MFSD8: variants seen among roughly 807,000 people sequenced by gnomAD.
The protein encoded by MFSD8 is major facilitator superfamily domain-containing protein 8.
Under a neutral mutation model 66.4 loss-of-function variants are expected in MFSD8, and 55 were observed. The observed-to-expected ratio is 0.83, with a 90% confidence interval of 0.67 to 1.04. MFSD8 has a LOEUF of 1.04. MFSD8 is among the 50% of genes least tolerant of loss of function. The pLI is 0.00. For missense variants in MFSD8, 550 were observed against 627.6 expected (o/e 0.88, Z 1.32); for synonymous variants, 202 against 212.8 (o/e 0.95, Z 0.44).
chr4:127,938,286 T>C (rs1448152938), intron 7 of MFSD8, among the ~76,000 whole-genome samples: 2 of 152,074 alleles, frequency 1.3e-5, no homozygotes, highest in African/African-American at 2.4e-5. Context: ...ATAACCAATA[T>C]GGGTATGCCT....
At chr4:127,932,660 A>C (rs1319460311) in intron 8 of MFSD8, 1 of 214,092 alleles carries the variant, frequency 4.7e-6, no homozygotes, top group East Asian at 1.3e-4. Context: ...ACATATATGT[A>C]GGAAATTATA....
At chr4:127,949,974 A>C in intron 2 of MFSD8, 127 bp from the exon 3 acceptor site, 1 of 687,344 alleles carries the variant, frequency 1.5e-6, no homozygotes, top group Non-Finnish European at 2.4e-6. Context: ...ACAAATGCCT[A>C]ATTTATGAGG....
intron 11 of MFSD8, 132 bp downstream of exon 11, chr4:127,921,392 A>T (rs1736316804): frequency 3.8e-5 from 56 of 1,465,418 alleles, no homozygotes; most frequent in Non-Finnish European, 5.1e-5. Flanking sequence ...TGGGATTTTT[A>T]AAAATTTTAA....
At chr4:127,956,454 C>G (rs1186104052) in intron 2 of MFSD8, among the ~76,000 whole-genome samples, 1 of 150,174 alleles carries the variant, frequency 6.7e-6, no homozygotes, top group Non-Finnish European at 1.5e-5. Flanking sequence ...GAGCCGAGAT[C>G]GCGCCACTGC....
At chr4:127,926,597 T>A (rs1252264287) in intron 9 of MFSD8, among the ~76,000 whole-genome samples, 1 of 152,118 alleles carries the variant, frequency 6.6e-6, no homozygotes, top group African/African-American at 2.4e-5. Flanking sequence ...GCAGCACTGC[T>A]CTACTTCTGT....
upstream of MFSD8, chr4:127,965,495 C>T (rs1292490154): frequency 1.0e-5 from 4 of 386,314 alleles, no homozygotes; most frequent in Admixed American, 3.9e-5. Context: ...GGAAAGGTTA[C>T]CGGAGCTGCG....
chr4:127,938,606 A>AT (rs1739544487), intron 7 of MFSD8, among the ~76,000 whole-genome samples, 177 bp downstream of exon 7: 5 of 141,478 alleles, frequency 3.5e-5, no homozygotes, highest in African/African-American at 1.4e-4. Context: ...TAAATAAATA[A>AT]ATAAATAAAT....
chr4:127,946,351 T>C (rs913854534), intron 3 of MFSD8, among the ~76,000 whole-genome samples: 2 of 152,148 alleles, frequency 1.3e-5, no homozygotes, highest in Admixed American at 1.3e-4. Flanking sequence ...GAATTTTGAC[T>C]AAAAAGACTA....
At chr4:127,939,778 T>C in intron 6 of MFSD8, 75 bp downstream of exon 6, 2 of 1,500,252 alleles carry the variant, frequency 1.3e-6, no homozygotes, top group South Asian at 2.3e-5. Flanking sequence ...ATAAGGATAA[T>C]TATCTTCCAA....
chr4:127,943,260 G>T (rs1291592799), intron 4 of MFSD8: 1 of 156,378 alleles, frequency 6.4e-6, no homozygotes, highest in African/African-American at 2.4e-5. Flanking sequence ...AGAAAGGATA[G>T]AAACAGTACA....
chr4:127,929,043 C>G (rs114720708), intron 9 of MFSD8, among the ~76,000 whole-genome samples: 1 of 151,882 alleles, frequency 6.6e-6, no homozygotes, highest in African/African-American at 2.4e-5. Flanking sequence ...AATCTCAGGT[C>G]GGCAGCGGTG....
rs1739848967 is a variant in MFSD8, at chr4:127,939,876, A to G, written c.675T>C (p.Ile225=). The change falls in exon 6 of 12, where the codon ATT becomes ATC. Residue 225 remains isoleucine, a synonymous_variant. Transcript: ENST00000641686. ...ACCTTAGTATGGCAAGGATCAGAAT[A>G]ATATTTAAAATTCCCAGGAAGGCGC... The part of the protein sequence containing the change: ...LLSAFLGILN[I]ILILAILREH... 1 of 1,613,226 alleles carries G rather than the reference A, an allele frequency of 6.2e-7. No individual in the cohort carries two copies. Among genetic ancestry groups the G allele is most frequent in the Non-Finnish European group, 8.5e-7 (1 of 1,179,490 alleles).
At position 127,949,773 on chromosome 4, in the gene MFSD8, A is replaced by C. The variant is rs745742569; in HGVS notation, c.198+31T>G. The C allele has an allele frequency of 7.5e-6, 12 of 1,595,642 alleles. No homozygotes were observed. In the Admixed American group the frequency reaches 2.0e-4, roughly 27 times the overall value. ...CGTAAGAGTTACTACTACTGTAGCT[A>C]TAAGGGAAAAATAGATTGAAATGTA... On this transcript the variant is annotated intron_variant, in intron 3 of 11. Transcript: ENST00000641686.
In MFSD8 at chr4:127,920,845, G is replaced by A. The variant is rs75039907; in HGVS notation, c.1351-9C>T. 1,704 of 1,612,396 alleles carry A rather than the reference G, an allele frequency of 1.1e-3. 24 individuals are homozygous for A. In the African/African-American group the frequency reaches 0.021, roughly 20 times the overall value. On this transcript the variant is annotated splice_polypyrimidine_tract_variant and intron_variant, in intron 11 of 11. Transcript: ENST00000641686. ...CAGCCCATGTATACACCCTGTTGGG[G>A]GTGAAATGGAGGACAAGCAGATTGA...
At chr4:127,965,180 T>G, upstream of MFSD8, 1 of 1,609,882 alleles carries the variant, frequency 6.2e-7, no homozygotes, top group Non-Finnish European at 8.5e-7. Context: ...TCGCGACACC[T>G]GCTTTCTCCC....
chr4:127,931,266 C>A (rs1738081348), intron 8 of MFSD8, among the ~76,000 whole-genome samples: 2 of 152,092 alleles, frequency 1.3e-5, no homozygotes, highest in African/African-American at 2.4e-5. Flanking sequence ...ATGTCTCTTC[C>A]TTTATATGAC....
At chr4:127,943,595 G>A in intron 4 of MFSD8, 157 bp downstream of exon 4, 1 of 856,020 alleles carries the variant, frequency 1.2e-6, no homozygotes. Context: ...CATGAGCAAA[G>A]GCAAAATGAT....
intron 9 of MFSD8, among the ~76,000 whole-genome samples, chr4:127,930,015 G>A (rs79002494): frequency 0.03 from 4,630 of 152,280 alleles, 103 homozygotes; most frequent in Non-Finnish European, 0.049. Context: ...GACTGAGGCT[G>A]GAGGATTGCG....
At chr4:127,960,481 G>A (rs572733425) in intron 1 of MFSD8, among the ~76,000 whole-genome samples, 2 of 152,270 alleles carry the variant, frequency 1.3e-5, no homozygotes, top group South Asian at 4.1e-4. Flanking sequence ...AGTGAGCAGA[G>A]ATTGTGCCAC....
Sources: allele counts gnomAD v4.1 joint callset (sites outside exome capture counted in the v4.1 genomes callset), GRCh38; gene constraint gnomAD v4.1.1; transcripts MANE v1.5; gene names NCBI Gene and HGNC (gene_info 2026-07-23, HGNC 2026-07-21).